Variants in SCN3A observed in about 807,000 individuals in gnomAD.
SCN3A encodes the protein sodium voltage-gated channel alpha subunit 3.
Under a neutral mutation model 187.6 loss-of-function variants are expected in SCN3A, and 60 were observed. That is an observed-to-expected ratio of 0.32 (90% CI 0.26 to 0.40). The LOEUF (loss-of-function observed/expected upper bound fraction) is 0.40, where lower values mean the gene tolerates loss of function less well. Ranked by LOEUF, SCN3A falls within the 10% of genes least tolerant of loss-of-function variation. The pLI is 1.00. For missense variants in SCN3A, 1,601 were observed against 2,428.2 expected, an observed-to-expected ratio of 0.66 and a Z score of 7.16; for synonymous variants, 788 against 829.2, an observed-to-expected ratio of 0.95 and a Z score of 0.85.
intron 1 of SCN3A, among the ~76,000 whole-genome samples, chr2:165,196,942 T>C (rs1412824042): frequency 3.3e-5 from 5 of 152,126 alleles, no homozygotes; most frequent in Admixed American, 3.3e-4. Context: ...AAGTAAGAAA[T>C]AAATCAGTGA....
At chr2:165,195,675 G>A (rs1456027458) in intron 1 of SCN3A, 2 of 152,208 alleles carry the variant, frequency 1.3e-5, no homozygotes, top group East Asian at 3.9e-4. Flanking sequence ...ATCTCACAGT[G>A]TTTTCTGAAC....
chr2:165,130,317 G>T, intron 16 of SCN3A, 21 bp from the exon 17 acceptor site: 2 of 1,604,370 alleles, frequency 1.2e-6, no homozygotes, highest in South Asian at 1.1e-5. Context: ...GTGAAAAGAT[G>T]CTGTTAGTAG....
At chr2:165,161,891 C>T (rs2105887603) in intron 9 of SCN3A, among the ~76,000 whole-genome samples, 1 of 152,310 alleles carries the variant, frequency 6.6e-6, no homozygotes, top group South Asian at 2.1e-4. Flanking sequence ...AGTGTGCTTC[C>T]ACCCTGAAGA....
At chr2:165,162,272 A>C in intron 9 of SCN3A, 36 bp downstream of exon 9, 1 of 1,547,538 alleles carries the variant, frequency 6.5e-7, no homozygotes, top group East Asian at 2.3e-5. Flanking sequence ...TTTCGCAAAG[A>C]GTTCTATATC....
At chr2:165,093,734 T>A (rs2105632870) in intron 26 of SCN3A, 1 of 152,472 alleles carries the variant, frequency 6.6e-6, no homozygotes, top group Non-Finnish European at 1.5e-5. Flanking sequence ...CCTTGTCAAG[T>A]CCCAGTTCTG....
At chr2:165,143,055 A>G (rs983680974) in intron 12 of SCN3A, among the ~76,000 whole-genome samples, 44 of 152,218 alleles carry the variant, frequency 2.9e-4, no homozygotes, top group African/African-American at 1.0e-3. Flanking sequence ...CCCAGCCCAG[A>G]ACTAGTGTTT....
At chr2:165,154,319 A>T in intron 11 of SCN3A, 133 bp downstream of exon 11, 1 of 986,080 alleles carries the variant, frequency 1.0e-6, no homozygotes, top group Non-Finnish European at 1.5e-6. Context: ...ATATTTGAAT[A>T]CTTTTTTTTC....
chr2:165,091,093 T>C lies in SCN3A; in HGVS notation c.5060A>G (p.Asp1687Gly), dbSNP rs1685076943. Residue 1687 changes from aspartate (D) to glycine (G), a missense_variant, in exon 28 of 28, where the codon GAT becomes GGT. This residue lies in a region of SCN3A where 320 missense variants were observed against 623.2 expected (regional missense o/e 0.51). Transcript: ENST00000283254. ...FAYVKKEAGI[D>G]DMFNFETFGN... ...AAAGGTCTCAAAGTTGAACATGTCA[T>C]CAATTCCAGCTTCCTTTTTAACATA... 6.2e-7 allele frequency: 1 copy of C among 1,614,082 alleles called. No individual in the cohort carries two copies. Among genetic ancestry groups the C allele is most frequent in the Non-Finnish European group, 8.5e-7 (1 of 1,180,004 alleles).
chr2:165,088,990 A>G lies in SCN3A; in HGVS notation c.*1160T>C, dbSNP rs577419255. On this transcript the variant is annotated 3_prime_UTR_variant, in exon 28 of 28. Coordinates refer to ENST00000283254, the MANE Select transcript of SCN3A (RefSeq NM_006922.4). ...GCAGGTTGAATTCATTCTATCACCAATATGTGACATTCTTTAACCAAGACT... is the reference window on the plus strand; with the variant it reads ...GCAGGTTGAATTCATTCTATCACCAGTATGTGACATTCTTTAACCAAGACT... 6.5e-6 allele frequency: 1 copy of G among 152,714 alleles called. No homozygotes were observed. The highest frequency in any genetic ancestry group is 6.5e-5 in the Admixed American group (1 of 15,296). The allele number at this position is 152,714 out of a possible 1,614,324, so 9.5% of individuals were successfully genotyped here. A position where few individuals can be genotyped will look rare whatever the true frequency, so the allele number is the denominator to read the frequency against.
chr2:165,146,748 G>A lies in SCN3A; in HGVS notation c.1662C>T (p.Ser554=), dbSNP rs760885665. Residue 554 remains serine (S), a synonymous_variant, in exon 12 of 28, where the codon TCC becomes TCT. Coordinates refer to ENST00000283254, the MANE Select transcript of SCN3A (RefSeq NM_006922.4). ...TAGTAGAAAATCATACCTGATGAGG[G>A]GAGCAGAATTTTTTGTCACTGGTCA... ...NRLTSDKKFC[S]PHQSLLSIRG... 111 of 1,613,830 alleles carry A rather than the reference G, an allele frequency of 6.9e-5. No individual in the cohort carries two copies. The highest frequency in any genetic ancestry group is 1.6e-4 in the South Asian group (15 of 91,070).
intron 1 of SCN3A, among the ~76,000 whole-genome samples, chr2:165,197,678 A>G (rs932832903): frequency 1.4e-5 from 2 of 139,488 alleles, no homozygotes; most frequent in African/African-American, 5.3e-5. Context: ...TTTACCTCCT[A>G]TTTACTGGCC....
intron 21 of SCN3A, 62 bp downstream of exon 21, chr2:165,112,821 CAT>C (rs1686185633): frequency 7.2e-7 from 1 of 1,387,462 alleles, no homozygotes; most frequent in Non-Finnish European, 1.0e-6. Flanking sequence ...ATAACAGAAA[CAT>C]ATGAAATGTC....
chr2:165,147,355 C>T (rs1318709410), intron 11 of SCN3A, among the ~76,000 whole-genome samples: 1 of 151,164 alleles, frequency 6.6e-6, no homozygotes, highest in Non-Finnish European at 1.5e-5. Context: ...ATGTTTTCTT[C>T]GTGGTGGTTG....
At position 165,096,525 on chromosome 2, in the gene SCN3A, A is replaced by T. The variant is rs1255192925; in HGVS notation, c.4240-5T>A. ...CATCCAGCCTTTAAATGTGGCCTGT[A>T]AATAACATATATTTGAATTGTTCAT... On this transcript the variant is annotated splice_polypyrimidine_tract_variant and splice_region_variant and intron_variant, in intron 23 of 27. Coordinates refer to ENST00000283254, the MANE Select transcript of SCN3A (RefSeq NM_006922.4). 1 of 1,606,468 alleles carries T rather than the reference A, an allele frequency of 6.2e-7. No individual in the cohort carries two copies. The highest frequency in any genetic ancestry group is 1.1e-5 in the South Asian group (1 of 90,862).
At position 165,117,679 on chromosome 2, in the gene SCN3A, A is replaced by C. The variant is rs78636943; in HGVS notation, c.3394-2104T>G. On this transcript the variant is annotated intron_variant, in intron 18 of 27. Coordinates refer to ENST00000283254, the MANE Select transcript of SCN3A (RefSeq NM_006922.4). ...AGAATTATAGTCTTTAGATAATTCTATCTCTCCATTTTGATATATAAGTCA... is the reference window on the plus strand; with the variant it reads ...AGAATTATAGTCTTTAGATAATTCTCTCTCTCCATTTTGATATATAAGTCA... Among the ~76,000 whole-genome samples, 96 of 152,272 alleles carry C rather than the reference A, an allele frequency of 6.3e-4. No individual in the cohort carries two copies. The East Asian group carries it at 0.015, about 24-fold the overall frequency.
In SCN3A at chr2:165,113,885, G is replaced by C. The variant is rs1317427715; in HGVS notation, c.3600C>G (p.Tyr1200Ter). The change falls in exon 20 of 28, where the codon TAC (tyrosine) becomes TAG (stop). Residue 1200 changes from tyrosine (Y) to a stop codon, truncating the protein, a stop_gained. Transcript: ENST00000283254. LOFTEE classifies it high-confidence loss of function. ...KIWWNLRKTC[Y>*]SIVEHNWFET... ...CAAACCAGTTGTGCTCAACAATACT[G>C]TAGCAGGTTTTTCGAAGATTCCACC... 1.9e-6 allele frequency: 3 copies of C among 1,613,698 alleles called. No individual in the cohort carries two copies. In the African/African-American group the frequency reaches 4.0e-5, roughly 22 times the overall value.
chr2:165,156,996 C>T (rs1048698404), intron 9 of SCN3A, among the ~76,000 whole-genome samples: 2 of 152,008 alleles, frequency 1.3e-5, no homozygotes, highest in Admixed American at 6.5e-5. Context: ...ATGCAAGCTC[C>T]GCCTCCCAGG....
At chr2:165,153,116 A>G (rs6752337) in intron 11 of SCN3A, among the ~76,000 whole-genome samples, 118,018 of 151,410 alleles carry the variant, frequency 0.78, 46,496 homozygotes, top group African/African-American at 0.89. Context: ...CAAATAAACT[A>G]AACAGAATAG....
intron 9 of SCN3A, among the ~76,000 whole-genome samples, chr2:165,161,321 G>A (rs1169996771): frequency 6.6e-6 from 1 of 151,768 alleles, no homozygotes; most frequent in Admixed American, 6.6e-5. Context: ...TTTTAACGAT[G>A]AGTAAACTAA....
Sources: gnomAD v4.1 joint callset for allele counts (sites outside exome capture counted in the v4.1 genomes callset) on GRCh38, gnomAD v4.1.1 for gene constraint, gnomAD v4.1.1 regional missense constraint, MANE v1.5 for transcripts, NCBI Gene and HGNC (gene_info 2026-07-23, HGNC 2026-07-21) for gene names.